The following GPM6A variants were observed in gnomAD, a reference collection of about 807,000 sequenced individuals.
GPM6A encodes neuronal membrane glycoprotein M6-a.
Under a neutral mutation model 32.1 loss-of-function variants are expected in GPM6A, and 7 were observed. That is an observed-to-expected ratio of 0.22 (90% confidence interval 0.12 to 0.41). The LOEUF is 0.41. Ranked by LOEUF, GPM6A falls within the 10% of genes least tolerant of loss-of-function variation. The probability of loss-of-function intolerance (pLI) is 1.00; values close to 1 mark genes in which losing one functional copy is unlikely to be tolerated. For synonymous variants in GPM6A, 130 were observed against 123.4 expected, an observed-to-expected ratio of 1.05 and a Z score of -0.35; for missense variants, 235 against 347.2, an observed-to-expected ratio of 0.68 and a Z score of 2.57.
intron 1 of GPM6A, among the ~76,000 whole-genome samples, chr4:175,994,827 T>TTTACTCATTTACTCATTTACTC (rs1236141711): frequency 5.9e-5 from 9 of 152,368 alleles, no homozygotes; most frequent in East Asian, 5.8e-4. Flanking sequence ...ATTTTACTCA[T>TTTACTCATTTACTCATTTACTC]AGTAGAACTT....
chr4:175,763,258 T>C (rs1732821878), intron 1 of GPM6A, among the ~76,000 whole-genome samples: 1 of 152,142 alleles, frequency 6.6e-6, no homozygotes, highest in Non-Finnish European at 1.5e-5. Flanking sequence ...GTGATTCACC[T>C]GCCTCGGCCT....
intron 1 of GPM6A, among the ~76,000 whole-genome samples, chr4:175,998,233 A>G (rs574011859): frequency 2.0e-5 from 3 of 151,658 alleles, no homozygotes; most frequent in Admixed American, 6.6e-5. Context: ...GGCTCACTGC[A>G]ACCTCTGCCT....
At chr4:175,897,989 A>T (rs1253535871) in intron 1 of GPM6A, among the ~76,000 whole-genome samples, 13 of 152,230 alleles carry the variant, frequency 8.5e-5, no homozygotes, top group Non-Finnish European at 7.3e-5. Context: ...CTCAATTTCA[A>T]ATTGTAAATA....
At chr4:175,804,341 T>G (rs758112949) in intron 1 of GPM6A, among the ~76,000 whole-genome samples, 1 of 152,198 alleles carries the variant, frequency 6.6e-6, no homozygotes, top group Non-Finnish European at 1.5e-5. Context: ...ATCATTTGGC[T>G]CATTCTCCCT....
chr4:175,921,807 T>C (rs992564275), intron 1 of GPM6A, among the ~76,000 whole-genome samples: 1 of 152,146 alleles, frequency 6.6e-6, no homozygotes, highest in South Asian at 2.1e-4. Flanking sequence ...CTTATTGGAG[T>C]GTACCATATT....
intron 1 of GPM6A, among the ~76,000 whole-genome samples, chr4:175,757,826 T>G (rs899535242): frequency 6.6e-6 from 1 of 152,136 alleles, no homozygotes; most frequent in South Asian, 2.1e-4. Flanking sequence ...CTTGGTTGAC[T>G]GAACAAAGAA....
At position 175,840,362 on chromosome 4, in the gene GPM6A, GA is replaced by G. The variant is rs377189966; in HGVS notation, c.-22-28114del. ...ATATTGAATCTCTTTGCATGTGGAA[GA>G]ATAGAGAGTAAACGAGTAATAAAAT... is the stretch of plus-strand genomic sequence containing the variant. On this transcript the variant is annotated intron_variant, in intron 1 of 7. Transcript: ENST00000280187. 9.8e-5 allele frequency among the ~76,000 whole-genome samples: 15 copies of G among 152,296 alleles called. 1 individual carries two copies. In the South Asian group the frequency reaches 1.7e-3, roughly 17 times the overall value.
intron 1 of GPM6A, among the ~76,000 whole-genome samples, chr4:175,754,461 T>C (rs1446436167): frequency 1.3e-5 from 2 of 152,290 alleles, no homozygotes; most frequent in African/African-American, 4.8e-5. Flanking sequence ...ACTCTCTATA[T>C]ACAAATGGGT....
chr4:175,966,696 A>C (rs2126413697), intron 1 of GPM6A, among the ~76,000 whole-genome samples: 1 of 152,228 alleles, frequency 6.6e-6, no homozygotes, highest in Non-Finnish European at 1.5e-5. Flanking sequence ...GATTTAGGAT[A>C]TTTAACCTCC....
At chr4:175,694,951 C>T (rs1278556727) in intron 2 of GPM6A, among the ~76,000 whole-genome samples, 1 of 152,182 alleles carries the variant, frequency 6.6e-6, no homozygotes, top group Non-Finnish European at 1.5e-5. Context: ...TGCATCCCAG[C>T]TACTCCCACT....
chr4:175,921,256 A>G (rs952936037), intron 1 of GPM6A, among the ~76,000 whole-genome samples: 1 of 152,168 alleles, frequency 6.6e-6, no homozygotes, highest in Non-Finnish European at 1.5e-5. Context: ...AAAAAAAATC[A>G]TCTCCAATCT....
intron 2 of GPM6A, among the ~76,000 whole-genome samples, chr4:175,679,968 A>T (rs1035325922): frequency 2.0e-5 from 3 of 152,162 alleles, no homozygotes; most frequent in Non-Finnish European, 4.4e-5. Context: ...CTCTCGTCCT[A>T]TTAAAGAGCA....
chr4:175,961,975 G>A (rs1435488040), intron 1 of GPM6A: 1 of 516,508 alleles, frequency 1.9e-6, no homozygotes, highest in South Asian at 1.9e-5. Flanking sequence ...TACCACCACA[G>A]CAATAGGGCT....
chr4:175,863,726 G>C (rs1353711770), intron 1 of GPM6A, among the ~76,000 whole-genome samples: 2 of 152,124 alleles, frequency 1.3e-5, no homozygotes, highest in African/African-American at 2.4e-5. Context: ...TCTTGGCCAG[G>C]CACAGTGGCT....
chr4:175,873,026 G>T (rs1560973814), intron 1 of GPM6A, among the ~76,000 whole-genome samples: 1 of 152,070 alleles, frequency 6.6e-6, no homozygotes, highest in Non-Finnish European at 1.5e-5. Flanking sequence ...AGAAGAATAA[G>T]ATATTAAATA....
chr4:175,785,833 G>A (rs944343771), intron 1 of GPM6A, among the ~76,000 whole-genome samples: 2 of 152,078 alleles, frequency 1.3e-5, no homozygotes, highest in Admixed American at 6.6e-5. Flanking sequence ...TACAGAACAC[G>A]TGCCACAAGC....
At chr4:175,817,006 G>A (rs940568500), upstream of GPM6A, among the ~76,000 whole-genome samples, 7 of 151,892 alleles carry the variant, frequency 4.6e-5, no homozygotes, top group East Asian at 3.9e-4. Flanking sequence ...ACTACACCCC[G>A]CCACCACGCC....
chr4:175,742,769 A>G (rs763284191), intron 1 of GPM6A, among the ~76,000 whole-genome samples: 5 of 152,176 alleles, frequency 3.3e-5, no homozygotes, highest in Non-Finnish European at 7.3e-5. Context: ...ATGAGGGGCC[A>G]AGCTTCTGAG....
At chr4:175,876,148 T>C (rs1426768441) in intron 1 of GPM6A, among the ~76,000 whole-genome samples, 1 of 152,180 alleles carries the variant, frequency 6.6e-6, no homozygotes, top group African/African-American at 2.4e-5. Flanking sequence ...GATTCCTCTA[T>C]GTAGTTTGAT....
Sources: allele counts gnomAD v4.1 joint callset (sites outside exome capture counted in the v4.1 genomes callset), GRCh38; gene constraint gnomAD v4.1.1; transcripts MANE v1.5; gene names NCBI Gene and HGNC (gene_info 2026-07-23, HGNC 2026-07-21).